Variants in MAPRE1 observed in about 807,000 individuals in gnomAD.
MAPRE1 encodes the protein microtubule-associated protein RP/EB family member 1.
MAPRE1 carries 5 observed loss-of-function variants against 32.1 expected under a neutral mutation model. That is an observed-to-expected ratio of 0.16 (90% CI 0.08 to 0.33). The LOEUF is 0.33. Among genes scored for constraint, MAPRE1 ranks in the 10% least tolerant of loss-of-function variants. MAPRE1 has a pLI of 1.00. For missense variants in MAPRE1, 209 were observed against 327.2 expected, an observed-to-expected ratio of 0.64 and a Z score of 2.79; for synonymous variants, 122 against 118.9, an observed-to-expected ratio of 1.03 and a Z score of -0.17.
At chr20:32,840,960 C>T (rs1449940381) in intron 5 of MAPRE1, among the ~76,000 whole-genome samples, 1 of 151,712 alleles carries the variant, frequency 6.6e-6, no homozygotes, top group African/African-American at 2.4e-5. Context: ...GGACTACAGT[C>T]GTGCGCCACC....
At chr20:32,838,867 C>T (rs536776757) in intron 4 of MAPRE1, among the ~76,000 whole-genome samples, 3 of 152,274 alleles carry the variant, frequency 2.0e-5, no homozygotes, top group Non-Finnish European at 4.4e-5. Context: ...GAGATATTTT[C>T]AAACCTGGCA....
chr20:32,827,368 A>G (rs920291130), intron 2 of MAPRE1, among the ~76,000 whole-genome samples: 1 of 152,186 alleles, frequency 6.6e-6, no homozygotes, highest in Non-Finnish European at 1.5e-5. Context: ...AGATCGCACC[A>G]CTGCACTCCA....
At chr20:32,820,221 C>G (rs1440087031) in intron 1 of MAPRE1, among the ~76,000 whole-genome samples, 193 bp downstream of exon 1, 2 of 145,176 alleles carry the variant, frequency 1.4e-5, no homozygotes, top group East Asian at 2.1e-4. Flanking sequence ...GCGCTGCGCT[C>G]TGCTCAGGGG....
chr20:32,825,024 C>G (rs181502135), intron 1 of MAPRE1, among the ~76,000 whole-genome samples: 1 of 151,704 alleles, frequency 6.6e-6, no homozygotes, highest in African/African-American at 2.4e-5. Flanking sequence ...TGGTGGCATG[C>G]GCCTGTAATC....
intron 2 of MAPRE1, 59 bp from the exon 3 acceptor site, chr20:32,833,658 T>G: frequency 6.6e-7 from 1 of 1,516,094 alleles, no homozygotes; most frequent in Non-Finnish European, 9.0e-7. Context: ...TAAGTGGGTC[T>G]GGGAAGAAGT....
At chr20:32,839,955 T>C in intron 5 of MAPRE1, 99 bp downstream of exon 5, 1 of 1,525,662 alleles carries the variant, frequency 6.6e-7, no homozygotes, top group Admixed American at 1.8e-5. Context: ...ACACCTGCCT[T>C]GTTTGCTTGC....
intron 1 of MAPRE1, among the ~76,000 whole-genome samples, chr20:32,825,510 C>T (rs1015124164): frequency 5.9e-5 from 9 of 151,976 alleles, no homozygotes; most frequent in African/African-American, 2.2e-4. Flanking sequence ...GTCAATGTAC[C>T]TAGGCTGGGC....
intron 1 of MAPRE1, among the ~76,000 whole-genome samples, chr20:32,824,244 A>G (rs1230852018): frequency 6.6e-6 from 1 of 152,272 alleles, no homozygotes; most frequent in African/African-American, 2.4e-5. Context: ...CGGTAGAGCT[A>G]GTAAACATTT....
intron 1 of MAPRE1, among the ~76,000 whole-genome samples, chr20:32,824,706 G>T (rs1161378454): frequency 1.6e-4 from 24 of 149,818 alleles, no homozygotes; most frequent in Non-Finnish European, 1.2e-4. Flanking sequence ...TTGGAAATAG[G>T]ATCTCACTGC....
chr20:32,841,809 G>A (rs1037216413), intron 5 of MAPRE1, among the ~76,000 whole-genome samples: 5 of 152,134 alleles, frequency 3.3e-5, no homozygotes, highest in Non-Finnish European at 5.9e-5. Context: ...ACTGCCTCAC[G>A]TGTGAAGTGG....
intron 3 of MAPRE1, among the ~76,000 whole-genome samples, chr20:32,834,395 A>G (rs1983126921): frequency 6.6e-6 from 1 of 152,260 alleles, no homozygotes; most frequent in South Asian, 2.1e-4. Context: ...TGAAGGTAAC[A>G]GAAACATGGT....
intron 1 of MAPRE1, among the ~76,000 whole-genome samples, chr20:32,825,597 C>G (rs1982822868): frequency 6.6e-6 from 1 of 152,134 alleles, no homozygotes; most frequent in South Asian, 2.1e-4. Flanking sequence ...TAGTTCAAGA[C>G]CAGCCTGGCC....
chr20:32,835,370 T>G (rs867860912), intron 3 of MAPRE1, among the ~76,000 whole-genome samples: 1 of 142,350 alleles, frequency 7.0e-6, no homozygotes, highest in Non-Finnish European at 1.5e-5. Context: ...TGGTGTTTTT[T>G]TTTTTTTTTT....
chr20:32,846,152 C>T (rs1213703444), intron 5 of MAPRE1, among the ~76,000 whole-genome samples: 2 of 152,146 alleles, frequency 1.3e-5, no homozygotes, highest in Non-Finnish European at 2.9e-5. Flanking sequence ...CAGAGACCCT[C>T]AGTGGGGCTC....
At chr20:32,837,263 A>G (rs410488) in intron 4 of MAPRE1, among the ~76,000 whole-genome samples, 95,546 of 151,942 alleles carry the variant, frequency 0.63, 31,066 homozygotes, top group East Asian at 0.99. Context: ...CCTTGAAGGA[A>G]GTGTGTAGGT....
Position 32,825,939 on chromosome 20 carries a change from C to G in MAPRE1, c.12C>G (p.Asn4Lys). 1.9e-6 allele frequency: 3 copies of G among 1,601,174 alleles called. No individual in the cohort carries two copies. The highest frequency in any genetic ancestry group is 2.6e-6 in the Non-Finnish European group (3 of 1,170,018). ...CCATGCTTTAGAAGATGGCAGTGAA[C>G]GTATACTCAACGTCAGTGACCAGTG... MAV[N>K]VYSTSVTSDN... is the part of the protein sequence containing the mutation. The change falls in exon 2 of 7, where the codon AAC becomes AAG. Residue 4 changes from asparagine to lysine, a missense_variant. Asn to Lys is a moderately conservative substitution (Grantham distance 94). Around this residue, in one of 3 missense-constraint regions of MAPRE1, gnomAD observed 67 missense variants for 140.0 expected, o/e 0.48. Transcript: ENST00000375571.
At chr20:32,827,956 A>G (rs1982911771) in intron 2 of MAPRE1, among the ~76,000 whole-genome samples, 1 of 146,764 alleles carries the variant, frequency 6.8e-6, no homozygotes. Flanking sequence ...TTTTGAGTTC[A>G]GCTTCTGCCC....
intron 5 of MAPRE1, among the ~76,000 whole-genome samples, chr20:32,840,235 C>G (rs1983323613): frequency 6.6e-6 from 1 of 152,156 alleles, no homozygotes; most frequent in Non-Finnish European, 1.5e-5. Context: ...ACTGGGGTCA[C>G]TGGAGATTGG....
Position 32,832,670 on chromosome 20 carries a change from G to A in MAPRE1, c.122-1047G>A, listed in dbSNP as rs147019702. 2.8e-3 allele frequency among the ~76,000 whole-genome samples: 432 copies of A among 152,036 alleles called. 4 individuals carry two copies. Among genetic ancestry groups the A allele is most frequent in the African/African-American group, 0.01 (425 of 41,458 alleles). ...TTTTGTAGAGACAGGGTTTCACCAT[G>A]TTGCCCAGGCTGTTCTCGAACTGCT... is the stretch of plus-strand genomic sequence containing the variant. On this transcript the variant is annotated intron_variant, in intron 2 of 6. Coordinates refer to ENST00000375571, the MANE Select transcript of MAPRE1 (RefSeq NM_012325.3).
Sources: gnomAD v4.1 joint callset for allele counts (sites outside exome capture counted in the v4.1 genomes callset) on GRCh38, gnomAD v4.1.1 for gene constraint, gnomAD v4.1.1 regional missense constraint, MANE v1.5 for transcripts, NCBI Gene and HGNC (gene_info 2026-07-23, HGNC 2026-07-21) for gene names.